Variants in FRMPD4 observed in about 807,000 individuals in gnomAD.
The protein encoded by FRMPD4 is FERM and PDZ domain-containing protein 4.
FRMPD4 carries 22 observed loss-of-function variants against 94.1 expected under a neutral mutation model. The observed-to-expected ratio is 0.23, with a 90% CI of 0.17 to 0.33. The LOEUF (loss-of-function observed/expected upper bound fraction) is 0.33, where lower values mean the gene tolerates loss of function less well. Ranked by LOEUF, FRMPD4 falls within the 10% of genes least tolerant of loss-of-function variation. The probability of loss-of-function intolerance (pLI) is 1.00; values close to 1 mark genes in which losing one functional copy is unlikely to be tolerated. For missense variants in FRMPD4, 1,111 were observed against 1,339.9 expected, an observed-to-expected ratio of 0.83 and a Z score of 2.67; for synonymous variants, 631 against 548.6, an observed-to-expected ratio of 1.15 and a Z score of -2.10.
rs185582020 is a variant in FRMPD4, at chrX:12,305,502, G to T, written c.41+166490G>T. The stretch of plus-strand genomic sequence containing the variant: ...ATGTGGAAATCTTCATAAATGTGCT[G>T]AAGTGTCCTAGGCAGCAAAGCACTT... On this transcript the variant is annotated intron_variant, in intron 1 of 16. Coordinates refer to ENST00000675598, the MANE Select transcript of FRMPD4 (RefSeq NM_001368397.1). Among the ~76,000 whole-genome samples, 32 of 110,407 alleles carry T rather than the reference G, an allele frequency of 2.9e-4. No individual in the cohort carries two copies. In the East Asian group the frequency reaches 8.3e-3, roughly 29 times the overall value.
At chrX:12,597,695 A>G (rs1485901211) in intron 2 of FRMPD4, among the ~76,000 whole-genome samples, 2 of 112,528 alleles carry the variant, frequency 1.8e-5, no homozygotes, top group Non-Finnish European at 3.8e-5. Context: ...CACTTTTTCC[A>G]TTGATAATCT....
At chrX:11,915,050 AAG>A (rs2054017509) in intron 3 of FRMPD4, among the ~76,000 whole-genome samples, 1 of 112,545 alleles carries the variant, frequency 8.9e-6, no homozygotes, top group African/African-American at 3.2e-5. Flanking sequence ...ATGCAAAAAA[AAG>A]AGCTTTCAGG....
At chrX:12,555,881 A>G (rs774630740) in intron 2 of FRMPD4, among the ~76,000 whole-genome samples, 2 of 112,227 alleles carry the variant, frequency 1.8e-5, no homozygotes, top group East Asian at 5.6e-4. Context: ...CCACTTTTAT[A>G]TCAAATTAAA....
intron 2 of FRMPD4, among the ~76,000 whole-genome samples, chrX:12,560,195 T>C (rs765395837): frequency 2.3e-4 from 26 of 111,731 alleles, no homozygotes; most frequent in African/African-American, 7.8e-4. Flanking sequence ...TGTTCAAACC[T>C]GTATTCAAAT....
At chrX:11,957,770 G>T (rs2054264594) in intron 3 of FRMPD4, among the ~76,000 whole-genome samples, 1 of 112,051 alleles carries the variant, frequency 8.9e-6, no homozygotes, top group Non-Finnish European at 1.9e-5. Context: ...GCTAGAATCG[G>T]ATAACTCAGA....
chrX:12,714,337 G>A (rs1569071346), intron 14 of FRMPD4, among the ~76,000 whole-genome samples: 2 of 111,206 alleles, frequency 1.8e-5, no homozygotes, highest in Non-Finnish European at 3.8e-5. Flanking sequence ...CATTCCTTGT[G>A]GCTGCTTAAC....
intron 1 of FRMPD4, among the ~76,000 whole-genome samples, chrX:12,456,783 C>T (rs1171183973): frequency 8.9e-6 from 1 of 112,830 alleles, no homozygotes; most frequent in Non-Finnish European, 1.9e-5. Flanking sequence ...TAGTATCTTC[C>T]TCCACAGTAT....
intron 1 of FRMPD4, among the ~76,000 whole-genome samples, chrX:12,240,318 C>T (rs1198538657): frequency 8.9e-6 from 1 of 112,079 alleles, no homozygotes; most frequent in Non-Finnish European, 1.9e-5. Flanking sequence ...AAGGGCAAGG[C>T]TAATAATATG....
intron 1 of FRMPD4, among the ~76,000 whole-genome samples, chrX:12,383,784 TAATC>T (rs1295555883): frequency 8.9e-6 from 1 of 111,846 alleles, no homozygotes; most frequent in African/African-American, 3.3e-5. Context: ...GTGAAATAAA[TAATC>T]AATAGGTTCA....
At chrX:11,941,388 C>T (rs999225829) in intron 3 of FRMPD4, among the ~76,000 whole-genome samples, 2 of 111,399 alleles carry the variant, frequency 1.8e-5, no homozygotes, top group African/African-American at 6.5e-5. Flanking sequence ...ATATGTTTAC[C>T]TATAGGTCAT....
At chrX:12,701,816 G>C in intron 9 of FRMPD4, 58 bp from the exon 10 acceptor site, 2 of 1,166,597 alleles carry the variant, frequency 1.7e-6, no homozygotes, top group Non-Finnish European at 2.3e-6. Flanking sequence ...TGTTCTGTAA[G>C]TCCACGCGCT....
intron 3 of FRMPD4, among the ~76,000 whole-genome samples, chrX:12,029,059 T>C (rs1303281830): frequency 8.9e-6 from 1 of 112,338 alleles, no homozygotes; most frequent in Non-Finnish European, 1.9e-5. Flanking sequence ...ACTGCTAAAC[T>C]GTCTTCCAAA....
At chrX:12,152,796 A>C (rs999660147) in intron 1 of FRMPD4, among the ~76,000 whole-genome samples, 1 of 109,937 alleles carries the variant, frequency 9.1e-6, no homozygotes, top group East Asian at 3.1e-4. Context: ...TACTTTTTGC[A>C]TAGAATTTAG....
intron 4 of FRMPD4, among the ~76,000 whole-genome samples, chrX:12,645,970 C>A (rs1325508223): frequency 1.8e-5 from 2 of 111,741 alleles, no homozygotes; most frequent in African/African-American, 6.5e-5. Context: ...TCTCCACCAA[C>A]CCTGTTCTTC....
In FRMPD4 at chrX:12,649,858, T is replaced by C. The variant is rs750281110; in HGVS notation, c.423-25005T>C. Among the ~76,000 whole-genome samples the C allele has an allele frequency of 3.5e-5, 4 of 112,916 alleles. No individual in the cohort carries two copies. In the South Asian group the frequency reaches 1.5e-3, roughly 41 times the overall value. ...AACCTTGTGCAGAGCAGTCTTCTGA[T>C]GAAAATGGCCCAAGCCATGTGACCC... On this transcript the variant is annotated intron_variant, in intron 4 of 16. Coordinates refer to ENST00000675598, the MANE Select transcript of FRMPD4 (RefSeq NM_001368397.1).
At chrX:12,286,683 A>G (rs1334915717) in intron 1 of FRMPD4, among the ~76,000 whole-genome samples, 1 of 111,900 alleles carries the variant, frequency 8.9e-6, no homozygotes, top group Non-Finnish European at 1.9e-5. Flanking sequence ...ATATCTTATG[A>G]TAGACTTTTT....
intron 1 of FRMPD4, among the ~76,000 whole-genome samples, chrX:12,349,411 C>T (rs1489892575): frequency 2.7e-5 from 3 of 109,958 alleles, no homozygotes; most frequent in Non-Finnish European, 5.7e-5. Context: ...GTTAGTAAGG[C>T]GCCCTCTGGA....
intron 3 of FRMPD4, among the ~76,000 whole-genome samples, chrX:12,096,169 A>G (rs377594760): frequency 8.9e-6 from 1 of 112,643 alleles, no homozygotes; most frequent in African/African-American, 3.2e-5. Flanking sequence ...TATCGGAAAC[A>G]GGTATAATAT....
At chrX:12,501,723 G>A (rs1051055070) in intron 2 of FRMPD4, among the ~76,000 whole-genome samples, 1 of 111,110 alleles carries the variant, frequency 9.0e-6, no homozygotes, top group East Asian at 2.8e-4. Flanking sequence ...GTTTCTGATG[G>A]AGGTACAAGT....
Sources: allele counts gnomAD v4.1 joint callset (sites outside exome capture counted in the v4.1 genomes callset), GRCh38; gene constraint gnomAD v4.1.1; transcripts MANE v1.5; gene names NCBI Gene and HGNC (gene_info 2026-07-23, HGNC 2026-07-21).